The following STX7 variants were observed in gnomAD, a reference collection of about 807,000 sequenced individuals.
STX7 encodes the protein syntaxin 7, also known as syntaxin-7.
In STX7, 34 loss-of-function variants were observed where a neutral mutation model predicts 39.6. The ratio of observed to expected loss-of-function variants is 0.86; its 90% CI spans 0.65 to 1.14. The LOEUF is 1.14. Ranked by LOEUF, STX7 falls within the 50% of genes most tolerant of loss-of-function variation. The pLI is 0.00. For missense variants in STX7, 284 were observed against 310.4 expected (o/e 0.92, Z 0.64); for synonymous variants, 119 against 99.1 (o/e 1.20, Z -1.19).
At chr6:132,498,971 T>A (rs747848377) in intron 2 of STX7, among the ~76,000 whole-genome samples, 4 of 152,178 alleles carry the variant, frequency 2.6e-5, no homozygotes, top group Non-Finnish European at 5.9e-5. Flanking sequence ...CCCCCTTCTT[T>A]CCCGCCCATT....
At chr6:132,477,597 T>C (rs1253684910) in intron 2 of STX7, among the ~76,000 whole-genome samples, 2 of 152,166 alleles carry the variant, frequency 1.3e-5, no homozygotes, top group Non-Finnish European at 2.9e-5. Context: ...ATGTTTTTAT[T>C]ATATGATCTT....
chr6:132,455,667 G>C lies in STX7; in HGVS notation c.*5091C>G, dbSNP rs114097707. On this transcript the variant is annotated 3_prime_UTR_variant, in exon 10 of 10. Coordinates refer to ENST00000367941, the MANE Select transcript of STX7 (RefSeq NM_003569.3). The stretch of plus-strand genomic sequence containing the variant: ...CCAACCTCTTAAAAACTTGCCAGAA[G>C]CTACAGTGTCTACAAAAACCTATTT... 6.6e-6 allele frequency: 1 copy of C among 152,138 alleles called. No individual in the cohort carries two copies. The highest frequency in any genetic ancestry group is 1.5e-5 in the Non-Finnish European group (1 of 68,014). The allele number at this position is 152,138 out of a possible 1,614,324, so 9.4% of individuals were successfully genotyped here.
intron 1 of STX7, among the ~76,000 whole-genome samples, chr6:132,510,358 A>T (rs1483140388): frequency 1.3e-5 from 2 of 152,240 alleles, no homozygotes; most frequent in Admixed American, 6.5e-5. Flanking sequence ...CAAATATGTA[A>T]ATCATTATCT....
chr6:132,487,187 C>T (rs1467535347), intron 2 of STX7, among the ~76,000 whole-genome samples: 1 of 152,100 alleles, frequency 6.6e-6, no homozygotes, highest in Non-Finnish European at 1.5e-5. Flanking sequence ...TTACTGACTT[C>T]TTTTTGAGTG....
At chr6:132,482,565 G>C (rs1370588174) in intron 2 of STX7, among the ~76,000 whole-genome samples, 1 of 152,150 alleles carries the variant, frequency 6.6e-6, no homozygotes, top group Non-Finnish European at 1.5e-5. Context: ...TTTTTTCAAT[G>C]TGCTAAAAGG....
At position 132,455,665 on chromosome 6, in the gene STX7, A is replaced by G. The variant is rs1774226260; in HGVS notation, c.*5093T>C. The G allele has an allele frequency of 6.6e-6, 1 of 152,192 alleles. No homozygotes were observed. The highest frequency in any genetic ancestry group is 2.1e-4 in the South Asian group (1 of 4,828). The allele number at this position is 152,192 out of a possible 1,614,324, so 9.4% of individuals were successfully genotyped here. A position where few individuals can be genotyped will look rare whatever the true frequency, so the allele number is the denominator to read the frequency against. ...GACCAACCTCTTAAAAACTTGCCAG[A>G]AGCTACAGTGTCTACAAAAACCTAT... On this transcript the variant is annotated 3_prime_UTR_variant, in exon 10 of 10. Coordinates refer to ENST00000367941, the MANE Select transcript of STX7 (RefSeq NM_003569.3).
intron 9 of STX7, chr6:132,461,689 T>C (rs567901430): frequency 5.1e-5 from 38 of 748,568 alleles, no homozygotes; most frequent in African/African-American, 3.2e-4. Context: ...TTAATATTAA[T>C]GGGAAACTAC....
chr6:132,466,611 G>A (rs1053425971), intron 8 of STX7, among the ~76,000 whole-genome samples: 3 of 152,026 alleles, frequency 2.0e-5, no homozygotes, highest in African/African-American at 7.2e-5. Context: ...CTTAATCCCT[G>A]GATTATCTCA....
chr6:132,446,861 T>A lies in STX7; in HGVS notation c.*13897A>T, dbSNP rs1053892202. ...AAGAATGCTATTAGGCTGACTGATT[T>A]ATGTAAAGCAGTGCCTATCATTTCT... On this transcript the variant is annotated 3_prime_UTR_variant, in exon 10 of 10. Coordinates refer to ENST00000367941, the MANE Select transcript of STX7 (RefSeq NM_003569.3). The A allele has an allele frequency of 2.0e-5, 3 of 152,084 alleles. No homozygotes were observed. Among genetic ancestry groups the A allele is most frequent in the African/African-American group, 4.8e-5 (2 of 41,406 alleles). 9.4% of individuals were successfully genotyped at this position (152,084 alleles called of 1,614,324 possible).
intron 7 of STX7, among the ~76,000 whole-genome samples, chr6:132,468,833 G>A (rs1315817105): frequency 6.6e-6 from 1 of 152,114 alleles, no homozygotes; most frequent in Non-Finnish European, 1.5e-5. Context: ...CTACTTACAA[G>A]GGTATAAAAT....
chr6:132,456,005 T>C lies in STX7; in HGVS notation c.*4753A>G, dbSNP rs542476465. ...TTCTGATGAAATATAGATTCCAAAT[T>C]CCCCTTGGATCTCACCCTTCTGTCT... is the stretch of plus-strand genomic sequence containing the variant. On this transcript the variant is annotated 3_prime_UTR_variant, in exon 10 of 10. Transcript: ENST00000367941. 1.4e-4 allele frequency: 22 copies of C among 152,296 alleles called. No homozygotes were observed. Among genetic ancestry groups the C allele is most frequent in the South Asian group, 6.2e-4 (3 of 4,824 alleles). The allele number at this position is 152,296 out of a possible 1,614,324, so 9.4% of individuals were successfully genotyped here.
chr6:132,466,129 C>T (rs1774558814), intron 8 of STX7, among the ~76,000 whole-genome samples: 2 of 152,206 alleles, frequency 1.3e-5, no homozygotes, highest in South Asian at 4.1e-4. Context: ...TTTTATCATG[C>T]TTTCACCTAC....
At position 132,468,488 on chromosome 6, in the gene STX7, G is replaced by A. The variant is rs375822378; in HGVS notation, c.538-13C>T. 54 of 1,574,580 alleles carry A rather than the reference G, an allele frequency of 3.4e-5. No homozygotes were observed. The Admixed American group carries it at 6.4e-4, about 19-fold the overall frequency. Reference sequence around the variant, plus strand: ...CCATAATATCAGCCTAAGAGAAAACGCATATATTATTATAATCAGAAATTC... The same window carrying A: ...CCATAATATCAGCCTAAGAGAAAACACATATATTATTATAATCAGAAATTC... On this transcript the variant is annotated splice_polypyrimidine_tract_variant and intron_variant, in intron 7 of 9. Transcript: ENST00000367941.
At chr6:132,502,036 C>G (rs1775575127) in intron 2 of STX7, among the ~76,000 whole-genome samples, 1 of 152,188 alleles carries the variant, frequency 6.6e-6, no homozygotes, top group African/African-American at 2.4e-5. Flanking sequence ...CAACGTGGTG[C>G]CTGGCACTGT....
intron 2 of STX7, among the ~76,000 whole-genome samples, chr6:132,490,114 G>A (rs1775240500): frequency 6.6e-6 from 1 of 152,342 alleles, no homozygotes; most frequent in Non-Finnish European, 1.5e-5. Context: ...CCATAACAAT[G>A]TGATTTGTGT....
At chr6:132,471,722 A>G in intron 4 of STX7, 122 bp from the exon 5 acceptor site, 1 of 1,102,470 alleles carries the variant, frequency 9.1e-7, no homozygotes, top group Non-Finnish European at 1.3e-6. Context: ...AGGGCCTTAC[A>G]GATTAACTCT....
At chr6:132,507,714 T>A (rs928442407) in intron 1 of STX7, among the ~76,000 whole-genome samples, 2 of 152,214 alleles carry the variant, frequency 1.3e-5, no homozygotes, top group African/African-American at 4.8e-5. Flanking sequence ...GAAAGACAAT[T>A]TTCTCTTGGT....
chr6:132,448,847 A>G lies in STX7; in HGVS notation c.*11911T>C, dbSNP rs1370364659. 3 of 151,974 alleles carry G rather than the reference A, an allele frequency of 2.0e-5. No individual in the cohort carries two copies. The highest frequency in any genetic ancestry group is 4.4e-5 in the Non-Finnish European group (3 of 68,202). 9.4% of individuals were successfully genotyped at this position (151,974 alleles called of 1,614,324 possible). A position where few individuals can be genotyped will look rare whatever the true frequency, so the allele number is the denominator to read the frequency against. On this transcript the variant is annotated 3_prime_UTR_variant, in exon 10 of 10. Coordinates refer to ENST00000367941, the MANE Select transcript of STX7 (RefSeq NM_003569.3). ...AGCAAGACTCTGTCTCAAAAAAAAA[A>G]AAAAAAAAAAAAGGTCTGTCAATTC...
chr6:132,457,960 T>G lies in STX7; in HGVS notation c.*2798A>C, dbSNP rs1774286349. 1 of 152,224 alleles carries G rather than the reference T, an allele frequency of 6.6e-6. No homozygotes were observed. The highest frequency in any genetic ancestry group is 1.5e-5 in the Non-Finnish European group (1 of 68,042). 9.4% of individuals were successfully genotyped at this position (152,224 alleles called of 1,614,324 possible). A position where few individuals can be genotyped will look rare whatever the true frequency, so the allele number is the denominator to read the frequency against. Reference sequence around the variant, plus strand: ...TTTATATTTTATTATGACATTCATTTTTTCTACATGAAGACACAAATAAAA... The same window carrying G: ...TTTATATTTTATTATGACATTCATTGTTTCTACATGAAGACACAAATAAAA... On this transcript the variant is annotated 3_prime_UTR_variant, in exon 10 of 10. Transcript: ENST00000367941.
Sources: allele counts gnomAD v4.1 joint callset (sites outside exome capture counted in the v4.1 genomes callset), GRCh38; gene constraint gnomAD v4.1.1; transcripts MANE v1.5; gene names NCBI Gene and HGNC (gene_info 2026-07-23, HGNC 2026-07-21).